The following COL16A1 variants were observed in gnomAD, a reference collection of about 807,000 sequenced individuals.
COL16A1 encodes the protein collagen alpha-1(XVI) chain.
COL16A1 carries 189 observed loss-of-function variants against 266.3 expected under a neutral mutation model. That is an observed-to-expected ratio of 0.71 (90% CI 0.63 to 0.80). The LOEUF (loss-of-function observed/expected upper bound fraction) is 0.80, where lower values mean the gene tolerates loss of function less well. Among genes scored for constraint, COL16A1 ranks in the 30% least tolerant of loss-of-function variants. COL16A1 has a pLI of 0.00. For missense variants in COL16A1, 1,928 were observed against 2,122.4 expected (o/e 0.91, Z 1.80); for synonymous variants, 740 against 782.3 (o/e 0.95, Z 0.90).
rs964112113 is a variant in COL16A1 at position 31,694,007 on chromosome 1, G to A, written c.1008+137C>T. 8.3e-5 allele frequency: 60 copies of A among 726,884 alleles called. No individual in the cohort carries two copies. The East Asian group carries it at 1.2e-3, about 14-fold the overall frequency. 45.0% of individuals were successfully genotyped at this position (726,884 alleles called of 1,614,324 possible). A position where few individuals can be genotyped will look rare whatever the true frequency, so the allele number is the denominator to read the frequency against. On this transcript the variant is annotated intron_variant, in intron 12 of 70. Coordinates refer to ENST00000373672, the MANE Select transcript of COL16A1 (RefSeq NM_001856.4). ...CACAAACCCCTGCTTTCTTTACCAC[G>A]CATACACTTAATCACCCTACACACA...
intron 63 of COL16A1, 82 bp downstream of exon 63, chr1:31,658,832 C>T (rs1029838674): frequency 2.4e-5 from 35 of 1,482,388 alleles, no homozygotes; most frequent in Non-Finnish European, 2.9e-5. Context: ...TTCTCCATCC[C>T]CCCAGCTTCC....
Position 31,656,999 on chromosome 1 carries a change from C to T in COL16A1, c.4056+34G>A. 2 of 1,614,048 alleles carry T rather than the reference C, an allele frequency of 1.2e-6. No homozygotes were observed. The highest frequency in any genetic ancestry group is 1.7e-6 in the Non-Finnish European group (2 of 1,179,962). ...GGCAAGGCGAGGAGCAAGAAGCACC[C>T]CCAAGGAAACAGAGAAGACCAGTAC... On this transcript the variant is annotated intron_variant, in intron 65 of 70. Coordinates refer to ENST00000373672, the MANE Select transcript of COL16A1 (RefSeq NM_001856.4). The surrounding 1 kb of genome is among the most constrained non-coding windows in gnomAD (Gnocchi z 4.2).
intron 36 of COL16A1, 72 bp downstream of exon 36, chr1:31,683,122 A>G (rs904583409): frequency 1.9e-6 from 3 of 1,610,838 alleles, no homozygotes; most frequent in African/African-American, 2.7e-5. Flanking sequence ...CTTGGCCCCC[A>G]TGTCCCCTGT....
rs758350041 is a variant in COL16A1 at position 31,679,650 on chromosome 1, AG to A, written c.2753del (p.Pro918LeufsTer123). ...PPGIPGPPGP[P>X]GVPGLQGVPG... ...CCTTTACCTGCAGCCCAGGTACTCC[AG>A]GGGGGCCTGGTGGTCCGGGAATACC... On this transcript the variant is annotated frameshift_variant, in exon 42 of 71. Coordinates refer to ENST00000373672, the MANE Select transcript of COL16A1 (RefSeq NM_001856.4). LOFTEE classifies it high-confidence loss of function. The A allele has an allele frequency of 1.9e-6, 3 of 1,614,132 alleles. No homozygotes were observed. The highest frequency in any genetic ancestry group is 2.5e-6 in the Non-Finnish European group (3 of 1,180,006).
Position 31,683,327 on chromosome 1 carries a change from G to C in COL16A1, c.2415+7C>G. 1 of 1,614,188 alleles carries C rather than the reference G, an allele frequency of 6.2e-7. No individual in the cohort carries two copies. The highest frequency in any genetic ancestry group is 8.5e-7 in the Non-Finnish European group (1 of 1,180,042). ...GCTATCCTCCTTCAGGACTCAGGCA[G>C]ACGTACCTGAATGCCAGGCAAACCC... On this transcript the variant is annotated splice_region_variant and intron_variant, in intron 35 of 70. Transcript: ENST00000373672.
At chr1:31,684,770 G>A (rs756120673) in intron 30 of COL16A1, 51 bp downstream of exon 30, 9 of 1,613,716 alleles carry the variant, frequency 5.6e-6, no homozygotes, top group Non-Finnish European at 7.6e-6. Flanking sequence ...GGCAAGGAGG[G>A]GATCTGAGAT....
intron 2 of COL16A1, 139 bp downstream of exon 2, chr1:31,701,982 C>A: frequency 7.5e-7 from 1 of 1,324,902 alleles, no homozygotes; most frequent in Non-Finnish European, 1.1e-6. Flanking sequence ...CACCTCAGAT[C>A]ACCCTGAGCC....
chr1:31,681,369 C>A (rs1643632789), intron 37 of COL16A1, among the ~76,000 whole-genome samples: 1 of 152,252 alleles, frequency 6.6e-6, no homozygotes, highest in South Asian at 2.1e-4. Context: ...GGAAACTGAG[C>A]CCTGAAGAAA....
At position 31,685,044 on chromosome 1, in the gene COL16A1, C is replaced by CAAATTA. The variant is rs1643901853; in HGVS notation, c.2017-194_2017-189dup. On this transcript the variant is annotated intron_variant, in intron 29 of 70. Transcript: ENST00000373672. The surrounding 1 kb of genome is among the most constrained non-coding windows in gnomAD (Gnocchi z 4.0). ...AGACTCTTTGCCTGGGTGACATGAG[C>CAAATTA]AAATTAGCTCATCTATCTCCGTACC... Among the ~76,000 whole-genome samples the CAAATTA allele has an allele frequency of 6.6e-6, 1 of 152,200 alleles. No individual in the cohort carries two copies. Among genetic ancestry groups the CAAATTA allele is most frequent in the South Asian group, 2.1e-4 (1 of 4,832 alleles).
chr1:31,655,546 G>A (rs1413920704), intron 66 of COL16A1, 44 bp from the exon 67 acceptor site: 1 of 1,607,346 alleles, frequency 6.2e-7, no homozygotes, highest in Non-Finnish European at 8.5e-7. Context: ...ACATCATGAT[G>A]TCTCACCAAT....
intron 21 of COL16A1, 29 bp downstream of exon 21, chr1:31,690,500 C>T: frequency 6.2e-7 from 1 of 1,614,094 alleles, no homozygotes; most frequent in African/African-American, 1.3e-5. Flanking sequence ...GAAGAGCCGA[C>T]CCTCCCCCGC....
Position 31,652,541 on chromosome 1 carries a change from T to G in COL16A1, c.*110A>C. The G allele has an allele frequency of 8.0e-7, 1 of 1,243,274 alleles. No individual in the cohort carries two copies. The highest frequency in any genetic ancestry group is 2.7e-4 in the Middle Eastern group (1 of 3,724). The allele number at this position is 1,243,274 out of a possible 1,614,324, so 77.0% of individuals were successfully genotyped here. A position where few individuals can be genotyped will look rare whatever the true frequency, so the allele number is the denominator to read the frequency against. The stretch of plus-strand genomic sequence containing the variant: ...TTATTTAAAAAATATTAACAGCAAT[T>G]AAAAACAACAACAACAACAAAAAAA... On this transcript the variant is annotated 3_prime_UTR_variant, in exon 71 of 71. Transcript: ENST00000373672. The surrounding 1 kb of genome is among the most constrained non-coding windows in gnomAD (Gnocchi z 4.8).
Position 31,654,809 on chromosome 1 carries a change from A to ATC in COL16A1, c.4338_4339dup (p.Ile1447ArgfsTer65). The stretch of plus-strand genomic sequence containing the variant: ...CCAGTTACCATCAAACATTTTAATG[A>ATC]TCTCTTGTCTGATGAACCTCTTGAT... On this transcript the variant is annotated frameshift_variant, in exon 68 of 71. Coordinates refer to ENST00000373672, the MANE Select transcript of COL16A1 (RefSeq NM_001856.4). LOFTEE classifies it high-confidence loss of function. The ATC allele has an allele frequency of 6.2e-7, 1 of 1,613,962 alleles. No homozygotes were observed. Among genetic ancestry groups the ATC allele is most frequent in the Non-Finnish European group, 8.5e-7 (1 of 1,179,992 alleles).
rs201931868 is a variant in COL16A1 at position 31,685,696 on chromosome 1, G to A, written c.1959C>T (p.Gly653=). ...CAGGTTCCCCCTTCTCTCCGGATGG[G>A]CCAGGCAAGGCCACCACACGGACAT... The part of the protein sequence containing the change: ...DGDVRVVALP[G]PSGEKGEPGP... The change falls in exon 29 of 71, where the codon GGC becomes GGT. Residue 653 remains glycine, a synonymous_variant. Coordinates refer to ENST00000373672, the MANE Select transcript of COL16A1 (RefSeq NM_001856.4). This position sits in a 1 kb window ranked among gnomAD's most constrained non-coding sequence, Gnocchi z 4.0. 1.2e-5 allele frequency: 19 copies of A among 1,614,006 alleles called. No homozygotes were observed. The highest frequency in any genetic ancestry group is 1.6e-5 in the Non-Finnish European group (19 of 1,180,012).
rs768442111 is a variant in COL16A1 at position 31,693,123 on chromosome 1, G to T, written c.1040C>A (p.Pro347Gln). 1.1e-5 allele frequency: 18 copies of T among 1,611,194 alleles called. No individual in the cohort carries two copies. Among genetic ancestry groups the T allele is most frequent in the Non-Finnish European group, 1.4e-5 (17 of 1,177,638 alleles). The change falls in exon 13 of 71, where the codon CCA becomes CAA. Residue 347 changes from proline to glutamine, a missense_variant. Around this residue, in one of 2 missense-constraint regions of COL16A1, gnomAD observed 1,552 missense variants for 1,637.2 expected, o/e 0.95. Transcript: ENST00000373672. ...TCCCTTCTCTCCCTTGGAGCCTGGT[G>T]GACCAGGCAGGCCCCGCTCACCTTT... ...GGKGERGLPGPPGSKGEKGAR... is the reference protein window; with the variant it reads ...GGKGERGLPGQPGSKGEKGAR...
chr1:31,697,266 G>A lies in COL16A1; in HGVS notation c.692C>T (p.Pro231Leu), dbSNP rs771977028. Residue 231 changes from proline to leucine, a missense_variant, in exon 7 of 71, where the codon CCG becomes CTG. By Grantham distance (98) the Pro-to-Leu change is moderately conservative. Transcript: ENST00000373672. The surrounding 1 kb of genome is among the most constrained non-coding windows in gnomAD (Gnocchi z 4.2). ...GCAGCCCTCCTCCAGCACGAGCTCC[G>A]GGTCACAGTAGATGTGCACCTGCTG... ...DLQQVHIYCDPELVLEEGCCE... is the reference protein window; with the variant it reads ...DLQQVHIYCDLELVLEEGCCE... 1.6e-5 allele frequency: 26 copies of A among 1,612,014 alleles called. No individual in the cohort carries two copies. Among genetic ancestry groups the A allele is most frequent in the African/African-American group, 9.4e-5 (7 of 74,792 alleles).
rs368519795 is a variant in COL16A1 at position 31,672,354 on chromosome 1, A to T, written c.3105+62T>A. 4 of 1,592,310 alleles carry T rather than the reference A, an allele frequency of 2.5e-6. No homozygotes were observed. In the African/African-American group the frequency reaches 5.4e-5, roughly 21 times the overall value. Reference sequence around the variant, plus strand: ...AGGTGAGGCCTCGGAGGCCCCCAAGAGGTCTCAAAGGCAGACAGGGCCCCA... The same window carrying T: ...AGGTGAGGCCTCGGAGGCCCCCAAGTGGTCTCAAAGGCAGACAGGGCCCCA... On this transcript the variant is annotated intron_variant, in intron 47 of 70. Transcript: ENST00000373672.
At position 31,670,756 on chromosome 1, in the gene COL16A1, A is replaced by AT; in HGVS notation, c.3151-111dup. 1 of 869,014 alleles carries AT rather than the reference A, an allele frequency of 1.2e-6. No homozygotes were observed. The allele number at this position is 869,014 out of a possible 1,614,324, so 53.8% of individuals were successfully genotyped here. A position where few individuals can be genotyped will look rare whatever the true frequency, so the allele number is the denominator to read the frequency against. On this transcript the variant is annotated intron_variant, in intron 48 of 70. Coordinates refer to ENST00000373672, the MANE Select transcript of COL16A1 (RefSeq NM_001856.4). The surrounding 1 kb of genome is among the most constrained non-coding windows in gnomAD (Gnocchi z 4.5). Reference sequence around the variant, plus strand: ...CATGGGGAGAGGAGGTCATGGGAGTATTTTCAAGGCAGCTGGAAAAGAGAC... The same window carrying AT: ...CATGGGGAGAGGAGGTCATGGGAGTATTTTTCAAGGCAGCTGGAAAAGAGAC...
chr1:31,689,210 G>C, intron 23 of COL16A1, 125 bp from the exon 24 acceptor site: 1 of 1,488,582 alleles, frequency 6.7e-7, no homozygotes, highest in Non-Finnish European at 9.1e-7. Context: ...GGTCCCATGG[G>C]GTCCAAGGCC....
Sources: allele counts gnomAD v4.1 joint callset (sites outside exome capture counted in the v4.1 genomes callset), GRCh38; gene constraint gnomAD v4.1.1; regional missense constraint gnomAD v4.1.1; non-coding constraint Gnocchi (gnomAD v3.1); transcripts MANE v1.5; gene names NCBI Gene and HGNC (gene_info 2026-07-23, HGNC 2026-07-21).